FOCAD: variants seen among roughly 807,000 people sequenced by gnomAD.
FOCAD encodes the protein focadhesin.
Under a neutral mutation model 225.6 loss-of-function variants are expected in FOCAD, and 198 were observed. The observed-to-expected ratio is 0.88, with a 90% CI of 0.78 to 0.99. The LOEUF is 0.99. Among genes scored for constraint, FOCAD ranks in the 50% least tolerant of loss-of-function variants. The pLI, the probability that FOCAD is intolerant of heterozygous loss-of-function variation, is 0.00. For synonymous variants in FOCAD, 897 were observed against 755.0 expected (o/e 1.19, Z -3.08); for missense variants, 2,713 against 2,123.6 (o/e 1.28, Z -5.46).
intron 5 of FOCAD, among the ~76,000 whole-genome samples, chr9:20,750,167 T>C (rs765889529): frequency 6.6e-6 from 1 of 152,188 alleles, no homozygotes; most frequent in African/African-American, 2.4e-5. Flanking sequence ...CATGATCCTG[T>C]TTATTCTGTC....
chr9:20,809,201 G>A (rs903461622), intron 11 of FOCAD, among the ~76,000 whole-genome samples: 1 of 152,118 alleles, frequency 6.6e-6, no homozygotes, highest in African/African-American at 2.4e-5. Context: ...GTTTTCCAAG[G>A]TTTTGTTGTT....
Position 20,839,683 on chromosome 9 carries a change from G to A in FOCAD, c.1920+16568G>A, listed in dbSNP as rs542424227. The stretch of plus-strand genomic sequence containing the variant: ...ATTTTTAATGTTTATGGGTACATAA[G>A]TGTATATAGTTAAGGGGTACACGAG... On this transcript the variant is annotated intron_variant, in intron 15 of 43. Transcript: ENST00000338382. Among the ~76,000 whole-genome samples, 29 of 151,838 alleles carry A rather than the reference G, an allele frequency of 1.9e-4. No individual in the cohort carries two copies. In the South Asian group the frequency reaches 6.0e-3, roughly 32 times the overall value.
chr9:20,972,331 T>C (rs187962733), intron 35 of FOCAD, among the ~76,000 whole-genome samples: 1 of 152,268 alleles, frequency 6.6e-6, no homozygotes, highest in East Asian at 1.9e-4. Flanking sequence ...AACAAATAGG[T>C]TCTAATAGGT....
At chr9:20,703,821 C>T (rs78774962) in intron 1 of FOCAD, among the ~76,000 whole-genome samples, 3,426 of 152,204 alleles carry the variant, frequency 0.023, 125 homozygotes, top group African/African-American at 0.079. Flanking sequence ...GGCTTTAAGG[C>T]GTACTTTATA....
chr9:20,903,240 C>T (rs1021215106), intron 21 of FOCAD, among the ~76,000 whole-genome samples: 1 of 151,842 alleles, frequency 6.6e-6, no homozygotes, highest in Admixed American at 6.6e-5. Context: ...AATTTTACTT[C>T]GGTTTTCTGT....
At chr9:20,815,015 C>T (rs1425028181) in intron 11 of FOCAD, among the ~76,000 whole-genome samples, 3 of 151,350 alleles carry the variant, frequency 2.0e-5, no homozygotes, top group African/African-American at 7.3e-5. Context: ...GTCTGGAGTC[C>T]TTCTGTTTCA....
At chr9:20,866,007 A>G in intron 17 of FOCAD, 31 bp downstream of exon 17, 1 of 1,557,572 alleles carries the variant, frequency 6.4e-7, no homozygotes, top group Non-Finnish European at 8.8e-7. Flanking sequence ...AGTGAATCAG[A>G]ACAAAGCTAA....
intron 2 of FOCAD, chr9:20,715,995 T>C (rs1017957258): frequency 7.0e-6 from 2 of 286,288 alleles, no homozygotes; most frequent in Non-Finnish European, 1.7e-5. Flanking sequence ...TATTGTCTTT[T>C]CTTGTGAGAG....
intron 4 of FOCAD, among the ~76,000 whole-genome samples, chr9:20,725,020 A>G (rs945330331): frequency 6.6e-6 from 1 of 152,320 alleles, no homozygotes; most frequent in East Asian, 1.9e-4. Context: ...AAATACAAAA[A>G]AAATTAGCTG....
At chr9:20,737,551 C>T (rs534133338) in intron 4 of FOCAD, among the ~76,000 whole-genome samples, 12 of 152,100 alleles carry the variant, frequency 7.9e-5, no homozygotes, top group South Asian at 2.1e-4. Flanking sequence ...AGCTTAAATA[C>T]GACTTGAAAG....
At chr9:20,657,424 G>A (rs367568767), upstream of FOCAD, among the ~76,000 whole-genome samples, 236 of 74,310 alleles carry the variant, frequency 3.2e-3, 3 homozygotes, top group East Asian at 0.053. Flanking sequence ...CCAATCAGAC[G>A]TAGATTTGGT....
At chr9:20,823,174 G>T in intron 15 of FOCAD, 59 bp downstream of exon 15, 1 of 1,530,090 alleles carries the variant, frequency 6.5e-7, no homozygotes, top group East Asian at 2.4e-5. Context: ...AAGGCAGAGT[G>T]GGTACAAGAA....
At chr9:20,884,751 A>C (rs1830965716) in intron 20 of FOCAD, among the ~76,000 whole-genome samples, 2 of 152,084 alleles carry the variant, frequency 1.3e-5, no homozygotes, top group African/African-American at 4.8e-5. Flanking sequence ...TCTAATTAGT[A>C]AAGTTTTTCC....
intron 1 of FOCAD, among the ~76,000 whole-genome samples, chr9:20,691,481 T>C (rs924544074): frequency 1.3e-5 from 2 of 151,668 alleles, no homozygotes; most frequent in African/African-American, 4.8e-5. Context: ...TAATTAATTT[T>C]ATTTTATTAT....
rs528604516 is a variant in FOCAD at position 20,893,286 on chromosome 9, T to C, written c.2625+8056T>C. ...ATTATAGTATAGTGTAAGCATAACT[T>C]TTATATCCACTGGGAAACAAAAAAA... On this transcript the variant is annotated intron_variant, in intron 21 of 43. Coordinates refer to ENST00000338382, the MANE Select transcript of FOCAD (RefSeq NM_001375567.1). 2.2e-4 allele frequency among the ~76,000 whole-genome samples: 33 copies of C among 152,238 alleles called. No homozygotes were observed. The South Asian group carries it at 6.8e-3, about 32-fold the overall frequency.
chr9:20,818,002 A>G (rs1002370400), intron 11 of FOCAD, among the ~76,000 whole-genome samples: 1 of 152,168 alleles, frequency 6.6e-6, no homozygotes, highest in African/African-American at 2.4e-5. Flanking sequence ...CATTACCACG[A>G]GCAGTGTACA....
chr9:20,936,123 C>A (rs147847459), intron 28 of FOCAD, among the ~76,000 whole-genome samples: 13 of 152,246 alleles, frequency 8.5e-5, no homozygotes, highest in African/African-American at 3.1e-4. Context: ...TTTTAGACTT[C>A]CATGCGTTTT....
intron 1 of FOCAD, among the ~76,000 whole-genome samples, chr9:20,692,932 A>C: frequency 6.6e-6 from 1 of 152,164 alleles, no homozygotes; most frequent in Admixed American, 6.5e-5. Flanking sequence ...ATTGGAGGCC[A>C]TTTTTTGCAA....
chr9:20,912,080 C>T (rs1833483461), intron 22 of FOCAD, among the ~76,000 whole-genome samples: 2 of 152,052 alleles, frequency 1.3e-5, no homozygotes, highest in South Asian at 2.1e-4. Context: ...TTGTTTACTG[C>T]TTGTGATATG....
Sources: gnomAD v4.1 joint callset for allele counts (sites outside exome capture counted in the v4.1 genomes callset) on GRCh38, gnomAD v4.1.1 for gene constraint, MANE v1.5 for transcripts, NCBI Gene and HGNC (gene_info 2026-07-23, HGNC 2026-07-21) for gene names.